Variants in FNIP2 observed in about 807,000 individuals in gnomAD.
FNIP2 encodes folliculin interacting protein 2.
A neutral mutation model predicts 108.7 loss-of-function variants in FNIP2; 32 were observed. That is an observed-to-expected ratio of 0.29 (90% CI 0.22 to 0.40). The LOEUF (loss-of-function observed/expected upper bound fraction) is 0.40, where lower values mean the gene tolerates loss of function less well. Ranked by LOEUF, FNIP2 falls within the 10% of genes least tolerant of loss-of-function variation. FNIP2 has a pLI of 1.00. For missense variants in FNIP2, 1,202 were observed against 1,381.6 expected (o/e 0.87, Z 2.06); for synonymous variants, 480 against 496.7 (o/e 0.97, Z 0.45).
chr4:158,770,793 G>C (rs932838905), intron 1 of FNIP2, among the ~76,000 whole-genome samples: 1 of 152,148 alleles, frequency 6.6e-6, no homozygotes, highest in African/African-American at 2.4e-5. Context: ...TCCATCAGGG[G>C]TACAAAGCCT....
chr4:158,846,357 G>T (rs1349826156), intron 7 of FNIP2, among the ~76,000 whole-genome samples: 1 of 152,054 alleles, frequency 6.6e-6, no homozygotes, highest in African/African-American at 2.4e-5. Context: ...AGACAATTCA[G>T]AATCCGCTAG....
At chr4:158,904,142 T>TA in intron 16 of FNIP2, among the ~76,000 whole-genome samples, 1 of 152,200 alleles carries the variant, frequency 6.6e-6, no homozygotes, top group Non-Finnish European at 1.5e-5. Flanking sequence ...TAAAGTATGA[T>TA]ACAATGAAGT....
intron 1 of FNIP2, among the ~76,000 whole-genome samples, chr4:158,776,295 A>C (rs1197526847): frequency 6.6e-6 from 1 of 152,228 alleles, no homozygotes; most frequent in Non-Finnish European, 1.5e-5. Context: ...CTCTTTCTTC[A>C]CAAGTTGAAG....
chr4:158,788,001 C>T (rs777735463), intron 1 of FNIP2, among the ~76,000 whole-genome samples: 7 of 152,148 alleles, frequency 4.6e-5, no homozygotes, highest in African/African-American at 1.7e-4. Flanking sequence ...TGATTAAGAG[C>T]GGGAGTGGGC....
chr4:158,869,514 CT>C (rs1780806812), intron 13 of FNIP2, 86 bp downstream of exon 13: 1 of 1,425,728 alleles, frequency 7.0e-7, no homozygotes, highest in Non-Finnish European at 9.2e-7. Flanking sequence ...TTAGCCACTA[CT>C]ATTGTCTGCT....
chr4:158,854,203 A>C (rs1184814019), intron 8 of FNIP2, among the ~76,000 whole-genome samples: 1 of 152,168 alleles, frequency 6.6e-6, no homozygotes. Flanking sequence ...CTTTGTGATA[A>C]TTTACTGTCC....
At chr4:158,855,952 T>TC (rs1779959615) in intron 8 of FNIP2, among the ~76,000 whole-genome samples, 5 of 152,370 alleles carry the variant, frequency 3.3e-5, no homozygotes, top group Middle Eastern at 3.4e-3. Context: ...TCACAGTTTC[T>TC]GTTTTTTGTT....
At position 158,872,208 on chromosome 4, in the gene FNIP2, T is replaced by G. The variant is rs550891720; in HGVS notation, c.2949+1739T>G. On this transcript the variant is annotated intron_variant, in intron 14 of 16. Transcript: ENST00000264433. ...TGCCCTGGATTTACTCACTGACCAC[T>G]CTGGAAATGCAATCTATTGATTGAT... 5 of 985,406 alleles carry G rather than the reference T, an allele frequency of 5.1e-6. No homozygotes were observed. The South Asian group carries it at 2.3e-4, about 46-fold the overall frequency. 61.0% of individuals were successfully genotyped at this position (985,406 alleles called of 1,614,324 possible).
rs72695439 is a variant in FNIP2 at position 158,802,538 on chromosome 4, G to A, written c.108-23378G>A. ...TACGTTTCTCAATTGTTGCTTCTGA[G>A]TTAATTTTTCATTACATATCATGAT... On this transcript the variant is annotated intron_variant, in intron 1 of 16. Transcript: ENST00000264433. Among the ~76,000 whole-genome samples the A allele has an allele frequency of 6.4e-3, 967 of 152,240 alleles. 5 individuals are homozygous for A. The highest frequency in any genetic ancestry group is 0.01 in the Non-Finnish European group (690 of 67,998).
intron 16 of FNIP2, 39 bp from the exon 17 acceptor site, chr4:158,904,427 T>G (rs1197003371): frequency 6.7e-7 from 1 of 1,493,942 alleles, no homozygotes; most frequent in East Asian, 2.3e-5. Flanking sequence ...AAAACCATGC[T>G]CTTTTAAAGT....
In FNIP2 at chr4:158,829,102, A is replaced by C. The variant is rs752574020; in HGVS notation, c.258A>C (p.Lys86Asn). Reference protein sequence around the residue: ...TAQKTEDVPIKISAKCCQGSS... With the variant: ...TAQKTEDVPINISAKCCQGSS... ...AGAAAACAGAGGATGTTCCTATTAA[A>C]ATATCAGCCAAGTGCTGCCAGGGAA... The change falls in exon 3 of 17, where the codon AAA (lysine) becomes AAC (asparagine). Residue 86 changes from lysine to asparagine, a missense_variant. Physicochemically the swap from Lys to Asn is moderately conservative, Grantham distance 94. Coordinates refer to ENST00000264433, the MANE Select transcript of FNIP2 (RefSeq NM_020840.3). 6.8e-6 allele frequency: 11 copies of C among 1,610,908 alleles called. No homozygotes were observed. The highest frequency in any genetic ancestry group is 1.3e-5 in the African/African-American group (1 of 74,994).
Position 158,869,206 on chromosome 4 carries a change from G to A in FNIP2, c.2570G>A (p.Cys857Tyr), listed in dbSNP as rs775499155. 1 of 1,614,076 alleles carries A rather than the reference G, an allele frequency of 6.2e-7. No individual in the cohort carries two copies. The highest frequency in any genetic ancestry group is 8.5e-7 in the Non-Finnish European group (1 of 1,179,908). ...GTGCTGGAGCCTGTTGCCCCCAGGT[G>A]TGTCCAGCGGGGCCCTGGCCTCGTG... is the stretch of plus-strand genomic sequence containing the variant. ...GPVLEPVAPR[C>Y]VQRGPGLVAG... The change falls in exon 13 of 17, where the codon TGT becomes TAT. Residue 857 changes from cysteine (C) to tyrosine (Y), a missense_variant. Coordinates refer to ENST00000264433, the MANE Select transcript of FNIP2 (RefSeq NM_020840.3).
chr4:158,890,112 A>T, intron 14 of FNIP2: 1 of 985,346 alleles, frequency 1.0e-6, no homozygotes, highest in Non-Finnish European at 1.2e-6. Context: ...ACTGGGCTTT[A>T]TGAATTCAAA....
At position 158,831,939 on chromosome 4, in the gene FNIP2, A is replaced by C; in HGVS notation, c.460A>C (p.Thr154Pro). ...GSVAMSYKGS[T>P]LKIHYIRSPP... ...AGTTGCCATGAGTTACAAAGGCTCC[A>C]CCTTAAAGATACACTACATACGGTG... Residue 154 changes from threonine to proline, a missense_variant, in exon 4 of 17, where the codon ACC becomes CCC. This residue lies in a region of FNIP2 where 7 missense variants were observed against 24.2 expected (regional missense o/e 0.29). Transcript: ENST00000264433. 1 of 1,611,062 alleles carries C rather than the reference A, an allele frequency of 6.2e-7. No homozygotes were observed. Among genetic ancestry groups the C allele is most frequent in the Non-Finnish European group, 8.5e-7 (1 of 1,178,340 alleles).
intron 10 of FNIP2, 104 bp downstream of exon 10, chr4:158,859,770 T>A (rs1215175805): frequency 3.0e-6 from 3 of 985,840 alleles, no homozygotes; most frequent in Non-Finnish European, 4.7e-6. Flanking sequence ...CAGTTATTCC[T>A]CACTTTTGTG....
At chr4:158,770,212 C>G (rs1332749312) in intron 1 of FNIP2, among the ~76,000 whole-genome samples, 2 of 152,268 alleles carry the variant, frequency 1.3e-5, no homozygotes, top group African/African-American at 4.8e-5. Flanking sequence ...AATCCCTATG[C>G]TATTCTGATT....
At chr4:158,894,411 ATCC>A (rs2126778783) in intron 15 of FNIP2, among the ~76,000 whole-genome samples, 1 of 152,072 alleles carries the variant, frequency 6.6e-6, no homozygotes, top group East Asian at 1.9e-4. Flanking sequence ...GGCTCAAGTG[ATCC>A]TCCTACCTCA....
intron 1 of FNIP2, among the ~76,000 whole-genome samples, chr4:158,816,217 A>G (rs1777559757): frequency 1.3e-5 from 2 of 152,210 alleles, no homozygotes; most frequent in Admixed American, 6.5e-5. Flanking sequence ...TGACCTCTGG[A>G]AACTTCTTGG....
At chr4:158,774,458 A>G (rs1347697164) in intron 1 of FNIP2, among the ~76,000 whole-genome samples, 2 of 152,232 alleles carry the variant, frequency 1.3e-5, no homozygotes, top group Admixed American at 1.3e-4. Context: ...GTGAGGGAAT[A>G]GAGTAAGGAT....
Sources: gnomAD v4.1 joint callset for allele counts (sites outside exome capture counted in the v4.1 genomes callset) on GRCh38, gnomAD v4.1.1 for gene constraint, gnomAD v4.1.1 regional missense constraint, MANE v1.5 for transcripts, NCBI Gene and HGNC (gene_info 2026-07-23, HGNC 2026-07-21) for gene names.